The following GRIK3 variants were observed in gnomAD, a reference collection of about 807,000 sequenced individuals.
GRIK3 encodes the protein glutamate receptor ionotropic, kainate 3.
In GRIK3, 29 loss-of-function variants were observed where a neutral mutation model predicts 102.5. That is an observed-to-expected ratio of 0.28 (90% confidence interval 0.21 to 0.39). The LOEUF (loss-of-function observed/expected upper bound fraction) is 0.39, where lower values mean the gene tolerates loss of function less well. Among genes scored for constraint, GRIK3 ranks in the 10% least tolerant of loss-of-function variants. The probability of loss-of-function intolerance (pLI) is 1.00; values close to 1 mark genes in which losing one functional copy is unlikely to be tolerated. For missense variants in GRIK3, 908 were observed against 1,252.4 expected (o/e 0.73, Z 4.15); for synonymous variants, 511 against 504.9 (o/e 1.01, Z -0.16).
chr1:36,951,402 G>C (rs1337275673), intron 1 of GRIK3, among the ~76,000 whole-genome samples: 3 of 152,210 alleles, frequency 2.0e-5, no homozygotes, highest in African/African-American at 2.4e-5. Flanking sequence ...GATGCCCTGG[G>C]GTCTTTTGTT....
chr1:37,032,649 T>C (rs770476196), intron 1 of GRIK3, among the ~76,000 whole-genome samples: 1 of 152,178 alleles, frequency 6.6e-6, no homozygotes, highest in Non-Finnish European at 1.5e-5. Context: ...TCCCCTCCCG[T>C]GCCTGGCCTC....
chr1:36,847,157 G>A (rs1339666369), intron 9 of GRIK3, among the ~76,000 whole-genome samples: 3 of 152,238 alleles, frequency 2.0e-5, no homozygotes, highest in African/African-American at 7.2e-5. Context: ...ATAGGCGGTG[G>A]GATATCTGCT....
chr1:36,962,909 A>G (rs1642030818), intron 1 of GRIK3, among the ~76,000 whole-genome samples: 1 of 148,310 alleles, frequency 6.7e-6, no homozygotes, highest in Admixed American at 6.7e-5. Flanking sequence ...AAAAGGAGGA[A>G]GGAAGGAAAG....
At chr1:36,832,003 G>A (rs74064773) in intron 10 of GRIK3, among the ~76,000 whole-genome samples, 16 of 152,062 alleles carry the variant, frequency 1.1e-4, no homozygotes, top group Admixed American at 5.9e-4. Flanking sequence ...AGTGAATGCC[G>A]ACTTCTGCTT....
At chr1:36,985,071 C>T (rs1642290126) in intron 1 of GRIK3, among the ~76,000 whole-genome samples, 1 of 152,094 alleles carries the variant, frequency 6.6e-6, no homozygotes, top group African/African-American at 2.4e-5. Context: ...CACCCTAAAA[C>T]GGGATCATCC....
At chr1:36,840,225 G>GA (rs1380825640) in intron 10 of GRIK3, among the ~76,000 whole-genome samples, 7 of 151,500 alleles carry the variant, frequency 4.6e-5, no homozygotes, top group African/African-American at 1.7e-4. Flanking sequence ...ATAAATGAGA[G>GA]AAGGAATCTA....
At chr1:36,887,769 AAAATAT>A (rs1321006666) in intron 2 of GRIK3, among the ~76,000 whole-genome samples, 5 of 90,322 alleles carry the variant, frequency 5.5e-5, no homozygotes, top group African/African-American at 1.9e-4. Context: ...AAAAAAAAAA[AAAATAT>A]ATATATATAT....
intron 10 of GRIK3, among the ~76,000 whole-genome samples, chr1:36,836,490 CA>C (rs1448318753): frequency 3.9e-5 from 6 of 152,374 alleles, no homozygotes; most frequent in African/African-American, 1.4e-4. Context: ...AAGAGTCACA[CA>C]GGGAAATTGG....
chr1:37,022,816 G>A (rs972571781), intron 1 of GRIK3, among the ~76,000 whole-genome samples: 1 of 152,246 alleles, frequency 6.6e-6, no homozygotes, highest in Non-Finnish European at 1.5e-5. Flanking sequence ...CCTGCACTGT[G>A]CTAGAAGCAC....
At chr1:36,895,402 G>C (rs1393612516) in intron 1 of GRIK3, among the ~76,000 whole-genome samples, 1 of 151,558 alleles carries the variant, frequency 6.6e-6, no homozygotes. Flanking sequence ...CAGCATGCAA[G>C]AACAGATAGG....
chr1:36,903,603 C>G (rs1641254299), intron 1 of GRIK3, among the ~76,000 whole-genome samples: 1 of 152,116 alleles, frequency 6.6e-6, no homozygotes, highest in Non-Finnish European at 1.5e-5. Flanking sequence ...CACAAACTGG[C>G]TACATCCAGA....
At chr1:36,931,511 G>A (rs1468161846) in intron 1 of GRIK3, among the ~76,000 whole-genome samples, 1 of 152,100 alleles carries the variant, frequency 6.6e-6, no homozygotes, top group Non-Finnish European at 1.5e-5. Context: ...CTTGTTTGTT[G>A]TCTATATCCC....
chr1:36,813,698 G>A (rs894956102), intron 13 of GRIK3, among the ~76,000 whole-genome samples: 3 of 151,900 alleles, frequency 2.0e-5, no homozygotes, highest in African/African-American at 4.8e-5. Context: ...CAACTACAGA[G>A]GGCAGAGGGG....
chr1:36,998,524 G>C (rs1179682833), intron 1 of GRIK3, among the ~76,000 whole-genome samples: 2 of 152,190 alleles, frequency 1.3e-5, no homozygotes. Context: ...ATGCATGAAC[G>C]GGTTATTGAC....
chr1:37,021,207 A>C (rs953661347), intron 1 of GRIK3, among the ~76,000 whole-genome samples: 19 of 152,032 alleles, frequency 1.2e-4, no homozygotes, highest in South Asian at 4.2e-4. Flanking sequence ...GGACCCATAC[A>C]GTTGTCTGTT....
At chr1:37,001,838 G>T (rs1235364307) in intron 1 of GRIK3, among the ~76,000 whole-genome samples, 1 of 152,212 alleles carries the variant, frequency 6.6e-6, no homozygotes, top group Non-Finnish European at 1.5e-5. Context: ...CAGGTGTGTT[G>T]TCAAGCAAAT....
intron 15 of GRIK3, among the ~76,000 whole-genome samples, chr1:36,803,750 T>C (rs897397011): frequency 1.3e-5 from 2 of 152,186 alleles, no homozygotes; most frequent in African/African-American, 2.4e-5. Flanking sequence ...TTAACTGTAA[T>C]GGGAATTCTC....
intron 1 of GRIK3, among the ~76,000 whole-genome samples, chr1:36,925,463 A>G (rs932902318): frequency 6.6e-6 from 1 of 152,360 alleles, no homozygotes; most frequent in African/African-American, 2.4e-5. Context: ...GTTGATGTTG[A>G]TAACAGCATT....
Position 36,819,851 on chromosome 1 carries a change from G to T in GRIK3, c.1758C>A (p.Phe586Leu), listed in dbSNP as rs770525239. The T allele has an allele frequency of 6.6e-7, 1 of 1,521,600 alleles. No individual in the cohort carries two copies. The highest frequency in any genetic ancestry group is 9.0e-7 in the Non-Finnish European group (1 of 1,109,728). The allele number at this position is 1,521,600 out of a possible 1,614,324, so 94.3% of individuals were successfully genotyped here. ...VSCVLFVIAR[F>L]SPYEWYDAHP... The stretch of plus-strand genomic sequence containing the variant: ...GAGCATCGTACCACTCATAAGGGCT[G>T]AACCTGCCACAGGAGGAGAGGGACA... Residue 586 changes from phenylalanine (F) to leucine (L), a missense_variant, in exon 12 of 16, where the codon TTC (phenylalanine) becomes TTA (leucine). Physicochemically the swap from Phe to Leu is conservative, Grantham distance 22. Coordinates refer to ENST00000373091, the MANE Select transcript of GRIK3 (RefSeq NM_000831.4). The surrounding 1 kb of genome is among the most constrained non-coding windows in gnomAD (Gnocchi z 4.1).
Sources: allele counts gnomAD v4.1 joint callset (sites outside exome capture counted in the v4.1 genomes callset), GRCh38; gene constraint gnomAD v4.1.1; non-coding constraint Gnocchi (gnomAD v3.1); transcripts MANE v1.5; gene names NCBI Gene and HGNC (gene_info 2026-07-23, HGNC 2026-07-21).